The following VWA5B1 variants were observed in gnomAD, a reference collection of about 807,000 sequenced individuals.
VWA5B1 encodes von Willebrand factor A domain containing 5B1, also known as von Willebrand factor A domain-containing protein 5B1.
A neutral mutation model predicts 118.2 loss-of-function variants in VWA5B1; 115 were observed. That is an observed-to-expected ratio of 0.97 (90% CI 0.84 to 1.14). The LOEUF is 1.14. Ranked by LOEUF, VWA5B1 falls within the 50% of genes most tolerant of loss-of-function variation. The pLI is 0.00. For missense variants in VWA5B1, 1,596 were observed against 1,603.8 expected (o/e 1.00, Z 0.08); for synonymous variants, 682 against 658.4 (o/e 1.04, Z -0.55).
intron 17 of VWA5B1, among the ~76,000 whole-genome samples, chr1:20,346,361 T>C (rs1376327945): frequency 2.0e-5 from 3 of 152,268 alleles, no homozygotes; most frequent in African/African-American, 7.2e-5. Context: ...GCCCTGGCTC[T>C]GGATTATGCA....
chr1:20,349,017 T>C lies in VWA5B1; in HGVS notation c.2878+659T>C, dbSNP rs371660277. ...TGCACAGGGAGGATCTCCTGCCTTT[T>C]GCTGTGCAGGAGGAAGACATCAGAG... On this transcript the variant is annotated intron_variant, in intron 18 of 21. Coordinates refer to ENST00000289815, the MANE Select transcript of VWA5B1 (RefSeq NM_001039500.3). 232 of 252,726 alleles carry C rather than the reference T, an allele frequency of 9.2e-4. No individual in the cohort carries two copies. The East Asian group carries it at 0.016, about 17-fold the overall frequency. 15.7% of individuals were successfully genotyped at this position (252,726 alleles called of 1,614,324 possible). A position where few individuals can be genotyped will look rare whatever the true frequency, so the allele number is the denominator to read the frequency against.
chr1:20,291,976 G>A (rs1435932921), intron 1 of VWA5B1, among the ~76,000 whole-genome samples: 2 of 152,256 alleles, frequency 1.3e-5, no homozygotes, highest in African/African-American at 2.4e-5. Context: ...TGGGGCGGGG[G>A]CCAGAACCTT....
rs1348605808 is a variant in VWA5B1, at chr1:20,318,572, C to T, written c.710-18C>T. ...ACCTCATGAGCCTATATCCCCCTTG[C>T]CTTTCTATGCCACTCAGGGGTGGAG... On this transcript the variant is annotated intron_variant, in intron 5 of 21. Coordinates refer to ENST00000289815, the MANE Select transcript of VWA5B1 (RefSeq NM_001039500.3). 6.4e-7 allele frequency: 1 copy of T among 1,551,100 alleles called. No homozygotes were observed. Among genetic ancestry groups the T allele is most frequent in the Non-Finnish European group, 8.7e-7 (1 of 1,146,962 alleles).
chr1:20,297,407 T>C (rs723871), intron 1 of VWA5B1, among the ~76,000 whole-genome samples: 21,664 of 152,192 alleles, frequency 0.14, 2,412 homozygotes, highest in African/African-American at 0.31. Context: ...AGCTTCCACC[T>C]GGAAGTGACA....
chr1:20,305,155 GA>G (rs146504125), intron 1 of VWA5B1, among the ~76,000 whole-genome samples: 1 of 151,600 alleles, frequency 6.6e-6, no homozygotes, highest in Non-Finnish European at 1.5e-5. Context: ...AAGTGCTAAG[GA>G]AAAAAAACAA....
intron 8 of VWA5B1, 114 bp from the exon 9 acceptor site, chr1:20,327,776 G>A: frequency 2.3e-6 from 2 of 886,614 alleles, no homozygotes; most frequent in Non-Finnish European, 3.6e-6. Flanking sequence ...GACAGAGGAG[G>A]GTAAAGGTCT....
chr1:20,314,261 C>T (rs2088933500), intron 3 of VWA5B1, 61 bp from the exon 4 acceptor site: 2 of 1,501,198 alleles, frequency 1.3e-6, no homozygotes. Flanking sequence ...ACCACAACAG[C>T]AATCTTAGAG....
At chr1:20,330,591 A>C (rs375810529) in intron 10 of VWA5B1, among the ~76,000 whole-genome samples, 1 of 152,240 alleles carries the variant, frequency 6.6e-6, no homozygotes, top group African/African-American at 2.4e-5. Context: ...ATGCCTCTGC[A>C]CACGACTCAC....
At chr1:20,341,584 T>C (rs2089875186) in intron 14 of VWA5B1, among the ~76,000 whole-genome samples, 1 of 152,268 alleles carries the variant, frequency 6.6e-6, no homozygotes, top group Non-Finnish European at 1.5e-5. Flanking sequence ...GTTTATTGGA[T>C]ACTTTTGCTA....
At chr1:20,316,887 A>G (rs959317799) in intron 4 of VWA5B1, among the ~76,000 whole-genome samples, 2 of 152,178 alleles carry the variant, frequency 1.3e-5, no homozygotes, top group African/African-American at 4.8e-5. Flanking sequence ...GATCTGGGCC[A>G]GGACTCTGCC....
At chr1:20,331,447 G>C (rs897172869) in intron 11 of VWA5B1, among the ~76,000 whole-genome samples, 2 of 152,200 alleles carry the variant, frequency 1.3e-5, no homozygotes, top group Non-Finnish European at 2.9e-5. Context: ...ACAAAGACAG[G>C]GCTGGGATTA....
chr1:20,355,907 C>T lies in VWA5B1; in HGVS notation c.*1644C>T, dbSNP rs2101038188. Among the ~76,000 whole-genome samples, 1 of 151,900 alleles carries T rather than the reference C, an allele frequency of 6.6e-6. No individual in the cohort carries two copies. The highest frequency in any genetic ancestry group is 2.0e-4 in the East Asian group (1 of 5,126). On this transcript the variant is annotated 3_prime_UTR_variant, in exon 22 of 22. Coordinates refer to ENST00000289815, the MANE Select transcript of VWA5B1 (RefSeq NM_001039500.3). ...ATTGCTGCCTTGTGGACTGGCTCTGCTTCAGACTTACCCTCTGGGGAGGAA... is the reference window on the plus strand; with the variant it reads ...ATTGCTGCCTTGTGGACTGGCTCTGTTTCAGACTTACCCTCTGGGGAGGAA...
At chr1:20,313,518 G>T (rs75052745) in intron 3 of VWA5B1, among the ~76,000 whole-genome samples, 2,159 of 152,360 alleles carry the variant, frequency 0.014, 49 homozygotes, top group African/African-American at 0.048. Flanking sequence ...GGAAACTGAG[G>T]CTCAGAGAGG....
rs748646472 is a variant in VWA5B1, at chr1:20,342,573, G to A, written c.2275G>A (p.Glu759Lys). 1.3e-6 allele frequency: 2 copies of A among 1,518,190 alleles called. No individual in the cohort carries two copies. The highest frequency in any genetic ancestry group is 8.8e-7 in the Non-Finnish European group (1 of 1,133,476). 94.0% of individuals were successfully genotyped at this position (1,518,190 alleles called of 1,614,324 possible). A position where few individuals can be genotyped will look rare whatever the true frequency, so the allele number is the denominator to read the frequency against. The change falls in exon 15 of 22, where the codon GAG becomes AAG. Residue 759 changes from glutamate (E) to lysine (K), a missense_variant. By Grantham distance (56) the Glu-to-Lys change is moderately conservative. Transcript: ENST00000289815. ...GACCCAGGCCTGGAGCCCTGTGAGAGAGCGGACTTCTGACAGCCGAAGCCC... is the reference window on the plus strand; with the variant it reads ...GACCCAGGCCTGGAGCCCTGTGAGAAAGCGGACTTCTGACAGCCGAAGCCC... Reference protein sequence around the residue: ...QETQAWSPVRERTSDSRSPGD... With the variant: ...QETQAWSPVRKRTSDSRSPGD...
intron 14 of VWA5B1, among the ~76,000 whole-genome samples, chr1:20,341,701 A>C (rs1021772129): frequency 6.6e-6 from 1 of 152,206 alleles, no homozygotes; most frequent in African/African-American, 2.4e-5. Context: ...GACTATTGCA[A>C]ATGTATTTCT....
At chr1:20,318,498 A>C (rs865944975) in intron 5 of VWA5B1, 92 bp from the exon 6 acceptor site, 1 of 1,526,000 alleles carries the variant, frequency 6.6e-7, no homozygotes, top group Non-Finnish European at 8.8e-7. Flanking sequence ...CATGTCACTC[A>C]TCTCTGGCCT....
intron 21 of VWA5B1, 134 bp downstream of exon 21, chr1:20,352,306 GT>G (rs2090146915): frequency 5.7e-6 from 4 of 698,182 alleles, no homozygotes; most frequent in Non-Finnish European, 9.3e-6. Flanking sequence ...GATCCCCTGA[GT>G]TTTGAGGTTT....
At chr1:20,303,171 G>A (rs141840006) in intron 1 of VWA5B1, 3 of 152,306 alleles carry the variant, frequency 2.0e-5, no homozygotes, top group East Asian at 3.9e-4. Context: ...CTTCCTAGAG[G>A]GGGCTGGAGA....
In VWA5B1 at chr1:20,291,359, T is replaced by TTCTTTCTCTCTCTCTC. The variant is rs1381113890; in HGVS notation, c.-27+274_-27+275insTTCTCTCTCTCTCTCT. ...TCTCTCTCTTTCTTTCTTTCTTTCT[T>TTCTTTCTCTCTCTCTC]TCTCTCTCTCTCTCTCTCTCTCTCT... On this transcript the variant is annotated intron_variant, in intron 1 of 21. Transcript: ENST00000289815. Among the ~76,000 whole-genome samples, 55 of 103,406 alleles carry TTCTTTCTCTCTCTCTC rather than the reference T, an allele frequency of 5.3e-4. 2 individuals are homozygous for TTCTTTCTCTCTCTCTC. The South Asian group carries it at 0.015, about 28-fold the overall frequency. 67.8% of individuals were successfully genotyped at this position (103,406 alleles called of 152,430 possible).
Sources: allele counts gnomAD v4.1 joint callset (sites outside exome capture counted in the v4.1 genomes callset), GRCh38; gene constraint gnomAD v4.1.1; transcripts MANE v1.5; gene names NCBI Gene and HGNC (gene_info 2026-07-23, HGNC 2026-07-21).